The following NLRP13 variants were observed in gnomAD, a reference collection of about 807,000 sequenced individuals.
NLRP13 encodes NACHT, LRR and PYD domains-containing protein 13.
A neutral mutation model predicts 94.4 loss-of-function variants in NLRP13; 82 were observed. The ratio of observed to expected loss-of-function variants is 0.87; its 90% CI spans 0.73 to 1.04. NLRP13 has a LOEUF of 1.04. Ranked by LOEUF, NLRP13 falls within the 50% of genes least tolerant of loss-of-function variation. The pLI is 0.00. For synonymous variants in NLRP13, 553 were observed against 464.7 expected (o/e 1.19, Z -2.45); for missense variants, 1,426 against 1,230.8 (o/e 1.16, Z -2.37).
At chr19:55,930,945 T>C (rs1987115885) in intron 1 of NLRP13, among the ~76,000 whole-genome samples, 1 of 146,418 alleles carries the variant, frequency 6.8e-6, no homozygotes, top group Non-Finnish European at 1.5e-5. Flanking sequence ...ACTTGCTGAT[T>C]AATTACAAAA....
intron 4 of NLRP13, among the ~76,000 whole-genome samples, chr19:55,914,618 G>T (rs550411978): frequency 5.9e-5 from 9 of 152,242 alleles, no homozygotes; most frequent in Admixed American, 3.3e-4. Context: ...ATGAGTTCAA[G>T]ATTCTTAGAT....
intron 4 of NLRP13, among the ~76,000 whole-genome samples, chr19:55,916,773 C>T (rs1986686324): frequency 6.6e-6 from 1 of 151,970 alleles, no homozygotes; most frequent in African/African-American, 2.4e-5. Context: ...GAAGAAAGAG[C>T]AAAAAGTTTT....
chr19:55,915,325 C>G (rs886274908), intron 4 of NLRP13, among the ~76,000 whole-genome samples: 2 of 152,066 alleles, frequency 1.3e-5, no homozygotes, highest in Non-Finnish European at 2.9e-5. Context: ...CAGCCATGTG[C>G]GGTGGCTCAT....
At chr19:55,925,519 G>A (rs1986947082) in intron 1 of NLRP13, among the ~76,000 whole-genome samples, 3 of 152,184 alleles carry the variant, frequency 2.0e-5, no homozygotes, top group South Asian at 4.1e-4. Context: ...CATCCCAAGT[G>A]TGTAGAACAG....
Position 55,911,759 on chromosome 19 carries a change from C to T in NLRP13, c.2058G>A (p.Lys686=), listed in dbSNP as rs752440232. 4 of 1,613,366 alleles carry T rather than the reference C, an allele frequency of 2.5e-6. No homozygotes were observed. The South Asian group carries it at 4.4e-5, about 18-fold the overall frequency. The change falls in exon 5 of 11, where the codon AAG becomes AAA. Residue 686 remains lysine (K), a synonymous_variant. Transcript: ENST00000342929. ...FCLKHCKRLN[K]LRLSVSSHIL... ...TGTGACTGCTAACAGAAAGCCTTAG[C>T]TTATTTAACCTTTTACAGTGCTTTA...
At chr19:55,896,540 T>C (rs983682389) in intron 10 of NLRP13, among the ~76,000 whole-genome samples, 5 of 115,208 alleles carry the variant, frequency 4.3e-5, no homozygotes, top group African/African-American at 1.8e-4. Flanking sequence ...AAAAAAGGGC[T>C]GGGCGCGGTG....
chr19:55,903,699 T>C (rs1171287553), intron 8 of NLRP13, among the ~76,000 whole-genome samples: 1 of 152,012 alleles, frequency 6.6e-6, no homozygotes, highest in Non-Finnish European at 1.5e-5. Flanking sequence ...GCTGCCAACC[T>C]CACCCTCTGG....
At chr19:55,906,627 G>A (rs1459151019) in intron 7 of NLRP13, among the ~76,000 whole-genome samples, 3 of 152,056 alleles carry the variant, frequency 2.0e-5, no homozygotes, top group Admixed American at 6.5e-5. Flanking sequence ...AGGAAGTTGA[G>A]ACTTGTGTTC....
chr19:55,915,856 G>A (rs138404615), intron 4 of NLRP13, among the ~76,000 whole-genome samples: 1 of 151,828 alleles, frequency 6.6e-6, no homozygotes, highest in Non-Finnish European at 1.5e-5. Flanking sequence ...GCACAAGAAA[G>A]TTTCTCCTGG....
intron 1 of NLRP13, among the ~76,000 whole-genome samples, chr19:55,931,749 G>C (rs1438184940): frequency 2.5e-5 from 2 of 79,632 alleles, no homozygotes; most frequent in African/African-American, 4.0e-5. Context: ...AAAGAAAAAG[G>C]CTTATAACAT....
rs1225208753 is a variant in NLRP13 at position 55,911,676 on chromosome 19, G to A, written c.2111+30C>T. ...ACAGAGCCTGAGAAAACAGGAGAAA[G>A]CTGAGAAAGAAATGGTTTGTAATAC... On this transcript the variant is annotated intron_variant, in intron 5 of 10. Transcript: ENST00000342929. The A allele has an allele frequency of 7.2e-6, 11 of 1,537,996 alleles. No individual in the cohort carries two copies. In the Middle Eastern group the frequency reaches 1.6e-3, roughly 221 times the overall value.
At chr19:55,931,709 C>CAAA (rs374591965) in intron 1 of NLRP13, among the ~76,000 whole-genome samples, 12 of 85,860 alleles carry the variant, frequency 1.4e-4, no homozygotes, top group African/African-American at 5.5e-4. Context: ...GACTCAGGCT[C>CAAA]AAAAAAAAAA....
chr19:55,898,841 A>AT lies in NLRP13; in HGVS notation c.2885dup (p.Asn962LysfsTer2). On this transcript the variant is annotated frameshift_variant, in exon 10 of 11. Coordinates refer to ENST00000342929, the MANE Select transcript of NLRP13 (RefSeq NM_176810.2). LOFTEE classifies it high-confidence loss of function. ...GCTTCACTCCATCATCCTGAAGATC[A>AT]TTTTCTCCCAAATCCAAGATTTTCA... 6.2e-7 allele frequency: 1 copy of AT among 1,613,506 alleles called. No individual in the cohort carries two copies. The highest frequency in any genetic ancestry group is 8.5e-7 in the Non-Finnish European group (1 of 1,179,564).
At chr19:55,928,205 T>C (rs1987017310) in intron 1 of NLRP13, among the ~76,000 whole-genome samples, 1 of 152,200 alleles carries the variant, frequency 6.6e-6, no homozygotes. Context: ...GCTCCTGTGA[T>C]GTGCCCCGCC....
intron 8 of NLRP13, among the ~76,000 whole-genome samples, chr19:55,904,230 T>C (rs533789716): frequency 6.6e-6 from 1 of 152,236 alleles, no homozygotes; most frequent in African/African-American, 2.4e-5. Context: ...GTGGCTGGGA[T>C]TATAGGCACC....
chr19:55,923,448 G>C (rs1398491375), intron 4 of NLRP13, among the ~76,000 whole-genome samples: 2 of 152,230 alleles, frequency 1.3e-5, no homozygotes, highest in Non-Finnish European at 2.9e-5. Context: ...TGAATAGCTT[G>C]TTTATCATGC....
intron 4 of NLRP13, among the ~76,000 whole-genome samples, chr19:55,914,659 G>T (rs769812126): frequency 9.2e-5 from 14 of 152,142 alleles, no homozygotes; most frequent in Non-Finnish European, 1.8e-4. Context: ...GGCAGTAATT[G>T]CCTTTTTGTG....
chr19:55,898,803 G>A lies in NLRP13; in HGVS notation c.2924C>T (p.Ala975Val), dbSNP rs1442017493. The change falls in exon 10 of 11, where the codon GCT becomes GTT. Residue 975 changes from alanine to valine, a missense_variant. Ala to Val is a moderately conservative substitution (Grantham distance 64). Transcript: ENST00000342929. ...GTGCAATGCACGATGTGGTTTCAGA[G>A]CCTCACACAGTAGCTTCACTCCATC... ...QDDGVKLLCE[A>V]LKPHRALHTL... 1.9e-6 allele frequency: 3 copies of A among 1,612,654 alleles called. No individual in the cohort carries two copies. In the Admixed American group the frequency reaches 5.0e-5, roughly 27 times the overall value.
chr19:55,914,950 G>T (rs1986639426), intron 4 of NLRP13, among the ~76,000 whole-genome samples: 1 of 152,168 alleles, frequency 6.6e-6, no homozygotes, highest in East Asian at 1.9e-4. Context: ...GACACAGAAA[G>T]ACAAATGCCA....
Sources: allele counts gnomAD v4.1 joint callset (sites outside exome capture counted in the v4.1 genomes callset), GRCh38; gene constraint gnomAD v4.1.1; transcripts MANE v1.5; gene names NCBI Gene and HGNC (gene_info 2026-07-23, HGNC 2026-07-21).